The following PAPSS2 variants were observed in gnomAD, a reference collection of about 807,000 sequenced individuals.
PAPSS2 encodes bifunctional 3'-phosphoadenosine 5'-phosphosulfate synthase 2.
Under a neutral mutation model 66.5 loss-of-function variants are expected in PAPSS2, and 61 were observed. That is an observed-to-expected ratio of 0.92 (90% CI 0.75 to 1.14). PAPSS2 has a LOEUF of 1.14. PAPSS2 is among the 50% of genes most tolerant of loss of function. PAPSS2 has a pLI of 0.00. For synonymous variants in PAPSS2, 289 were observed against 287.5 expected (o/e 1.01, Z -0.05); for missense variants, 708 against 789.6 (o/e 0.90, Z 1.24).
intron 8 of PAPSS2, among the ~76,000 whole-genome samples, chr10:87,724,942 G>A (rs535630559): frequency 5.3e-5 from 8 of 151,438 alleles, no homozygotes; most frequent in African/African-American, 9.7e-5. Flanking sequence ...TGGCAAGTCC[G>A]AAAACTGGGA....
intron 1 of PAPSS2, among the ~76,000 whole-genome samples, chr10:87,699,532 C>T (rs1853276042): frequency 6.6e-6 from 1 of 152,336 alleles, no homozygotes; most frequent in African/African-American, 2.4e-5. Flanking sequence ...TGTGTCCACA[C>T]ATCTGTGATC....
At chr10:87,664,472 A>G (rs1241028010) in intron 1 of PAPSS2, among the ~76,000 whole-genome samples, 1 of 152,170 alleles carries the variant, frequency 6.6e-6, no homozygotes, top group Non-Finnish European at 1.5e-5. Context: ...GTGTTTCCCA[A>G]TTCATGCCAT....
intron 6 of PAPSS2, among the ~76,000 whole-genome samples, 175 bp from the exon 7 acceptor site, chr10:87,715,557 A>G (rs554582678): frequency 6.6e-6 from 1 of 152,378 alleles, no homozygotes; most frequent in East Asian, 1.9e-4. Context: ...AAACTTCCAA[A>G]CTTAAATATT....
chr10:87,698,636 G>GATTT (rs1307668301), intron 1 of PAPSS2, among the ~76,000 whole-genome samples: 6 of 152,154 alleles, frequency 3.9e-5, no homozygotes, highest in Non-Finnish European at 2.9e-5. Flanking sequence ...CCTGGGATTG[G>GATTT]ATTTAGCATG....
intron 1 of PAPSS2, among the ~76,000 whole-genome samples, chr10:87,669,432 A>G (rs1852850351): frequency 6.6e-6 from 1 of 152,248 alleles, no homozygotes; most frequent in Non-Finnish European, 1.5e-5. Context: ...CCTAAAGTAT[A>G]TGAGTAATTA....
intron 1 of PAPSS2, among the ~76,000 whole-genome samples, chr10:87,701,871 G>GA (rs909623029): frequency 1.4e-4 from 21 of 152,210 alleles, no homozygotes; most frequent in Non-Finnish European, 1.9e-4. Flanking sequence ...CAACCTGGGG[G>GA]AAAAAACAGT....
chr10:87,706,108 A>ATATATATGTGTGTGTG, intron 1 of PAPSS2, among the ~76,000 whole-genome samples: 10 of 52,012 alleles, frequency 1.9e-4, no homozygotes, highest in African/African-American at 1.0e-3. Context: ...ATATATATAT[A>ATATATATGTGTGTGTG]TGTGTGTGTG....
In PAPSS2 at chr10:87,743,389, C is replaced by T. The variant is rs773622906; in HGVS notation, c.1239C>T (p.Phe413=). ...CTCTCCCAGATGCGGTGTTTGCATT[C>T]CAGTTGCGCAATCCTGTCCACAATG... ...KEMNADAVFA[F]QLRNPVHNGH... Residue 413 remains phenylalanine (F), a synonymous_variant, in exon 11 of 13, where the codon TTC becomes TTT. Coordinates refer to ENST00000456849, the MANE Select transcript of PAPSS2 (RefSeq NM_001015880.2). 5.0e-6 allele frequency: 8 copies of T among 1,613,934 alleles called. No homozygotes were observed. The Admixed American group carries it at 6.7e-5, about 13-fold the overall frequency.
intron 1 of PAPSS2, among the ~76,000 whole-genome samples, chr10:87,697,606 G>C (rs1177510559): frequency 6.6e-6 from 1 of 152,242 alleles, no homozygotes; most frequent in African/African-American, 2.4e-5. Context: ...AGAGGCGGCA[G>C]TCCAAGGAAA....
intron 7 of PAPSS2, among the ~76,000 whole-genome samples, chr10:87,716,397 T>A: frequency 6.6e-6 from 1 of 152,246 alleles, no homozygotes; most frequent in South Asian, 2.1e-4. Context: ...ACGAGCTGAA[T>A]GGCTTTTGGA....
intron 1 of PAPSS2, among the ~76,000 whole-genome samples, chr10:87,691,136 T>A (rs1188708130): frequency 6.6e-6 from 1 of 152,148 alleles, no homozygotes; most frequent in Non-Finnish European, 1.5e-5. Flanking sequence ...TTTTAAATAT[T>A]TCCCATTCTT....
chr10:87,731,044 T>A (rs1391682952), intron 9 of PAPSS2, among the ~76,000 whole-genome samples: 1 of 152,218 alleles, frequency 6.6e-6, no homozygotes, highest in African/African-American at 2.4e-5. Flanking sequence ...TGGAAGAAGA[T>A]GCCACCTAGG....
In PAPSS2 at chr10:87,746,485, G is replaced by C. The variant is rs1345797877; in HGVS notation, c.*515G>C. The C allele has an allele frequency of 6.5e-6, 1 of 152,740 alleles. No homozygotes were observed. Among genetic ancestry groups the C allele is most frequent in the African/African-American group, 2.4e-5 (1 of 41,378 alleles). 9.5% of individuals were successfully genotyped at this position (152,740 alleles called of 1,614,324 possible). A position where few individuals can be genotyped will look rare whatever the true frequency, so the allele number is the denominator to read the frequency against. On this transcript the variant is annotated 3_prime_UTR_variant, in exon 13 of 13. Transcript: ENST00000456849. The stretch of plus-strand genomic sequence containing the variant: ...TCTTCCTGATATTTTACCTCATGCT[G>C]TACAAAGCCTTAATGTTGTAATCAT...
At chr10:87,745,263 C>T (rs1159709457) in intron 12 of PAPSS2, 32 bp downstream of exon 12, 2 of 1,520,478 alleles carry the variant, frequency 1.3e-6, no homozygotes, top group Admixed American at 1.9e-5. Context: ...CTTTTATCAA[C>T]ATCTGTATAA....
chr10:87,697,457 G>A (rs1435373783), intron 1 of PAPSS2, among the ~76,000 whole-genome samples: 1 of 152,210 alleles, frequency 6.6e-6, no homozygotes, highest in Non-Finnish European at 1.5e-5. Context: ...GGGCACCAAG[G>A]AGGGTGCCAA....
chr10:87,742,886 T>A (rs1383896275), intron 10 of PAPSS2, among the ~76,000 whole-genome samples: 1 of 152,252 alleles, frequency 6.6e-6, no homozygotes, highest in African/African-American at 2.4e-5. Flanking sequence ...CTCAGCTATC[T>A]GGTGTTGGTT....
intron 1 of PAPSS2, among the ~76,000 whole-genome samples, chr10:87,690,810 T>C (rs1250169700): frequency 6.6e-6 from 1 of 152,220 alleles, no homozygotes; most frequent in Non-Finnish European, 1.5e-5. Context: ...CTCATAACAG[T>C]TCAGTAAGGC....
chr10:87,672,822 G>A (rs1852895544), intron 1 of PAPSS2, among the ~76,000 whole-genome samples: 1 of 152,184 alleles, frequency 6.6e-6, no homozygotes, highest in South Asian at 2.1e-4. Flanking sequence ...GCTAGGAATG[G>A]TTTTTACATT....
intron 1 of PAPSS2, among the ~76,000 whole-genome samples, chr10:87,691,975 C>T (rs7093163): frequency 1.3e-5 from 2 of 152,056 alleles, no homozygotes. Flanking sequence ...GAATTTTACT[C>T]TACTGGCAAA....
Sources: allele counts gnomAD v4.1 joint callset (sites outside exome capture counted in the v4.1 genomes callset), GRCh38; gene constraint gnomAD v4.1.1; transcripts MANE v1.5; gene names NCBI Gene and HGNC (gene_info 2026-07-23, HGNC 2026-07-21).